The following LRRTM4 variants were observed in gnomAD, a reference collection of about 807,000 sequenced individuals.
LRRTM4 encodes the protein leucine-rich repeat transmembrane neuronal protein 4.
A neutral mutation model predicts 47.6 loss-of-function variants in LRRTM4; 25 were observed. That is an observed-to-expected ratio of 0.53 (90% CI 0.38 to 0.73). The LOEUF is 0.73. Among genes scored for constraint, LRRTM4 ranks in the 30% least tolerant of loss-of-function variants. LRRTM4 has a pLI of 0.00. For synonymous variants in LRRTM4, 311 were observed against 269.5 expected (o/e 1.15, Z -1.51); for missense variants, 638 against 713.4 (o/e 0.89, Z 1.20).
intron 3 of LRRTM4, among the ~76,000 whole-genome samples, chr2:76,827,599 T>A (rs1671224126): frequency 6.6e-6 from 1 of 151,908 alleles, no homozygotes; most frequent in African/African-American, 2.4e-5. Flanking sequence ...ATTCTGAGAA[T>A]GTGCAATTCA....
intron 3 of LRRTM4, among the ~76,000 whole-genome samples, chr2:76,906,234 T>C (rs1389531355): frequency 6.6e-6 from 1 of 152,024 alleles, no homozygotes; most frequent in Non-Finnish European, 1.5e-5. Flanking sequence ...GAATTTCATA[T>C]CCAGCCAAAC....
intron 3 of LRRTM4, among the ~76,000 whole-genome samples, chr2:77,123,436 T>G (rs1276458580): frequency 6.6e-6 from 1 of 152,052 alleles, no homozygotes; most frequent in Non-Finnish European, 1.5e-5. Flanking sequence ...TAAATGACAA[T>G]GTTGCTATAT....
At chr2:77,219,179 G>C (rs995253858) in intron 3 of LRRTM4, among the ~76,000 whole-genome samples, 3 of 152,098 alleles carry the variant, frequency 2.0e-5, no homozygotes, top group African/African-American at 7.2e-5. Context: ...ATTTGAGTAG[G>C]GGGAGAGCTT....
intron 3 of LRRTM4, among the ~76,000 whole-genome samples, chr2:77,145,877 T>G (rs1672246549): frequency 6.6e-6 from 1 of 152,108 alleles, no homozygotes; most frequent in African/African-American, 2.4e-5. Context: ...TTTTTAAAAA[T>G]ATATTCTGAG....
chr2:76,957,830 CAT>C (rs1214670003), intron 3 of LRRTM4, among the ~76,000 whole-genome samples: 2 of 151,662 alleles, frequency 1.3e-5, no homozygotes, highest in Non-Finnish European at 2.9e-5. Flanking sequence ...CTTCTCAAAA[CAT>C]ATGTGCTTAT....
intron 3 of LRRTM4, among the ~76,000 whole-genome samples, chr2:76,900,412 T>TTA (rs75533363): frequency 0.37 from 55,416 of 151,772 alleles, 10,982 homozygotes; most frequent in East Asian, 0.71. Context: ...CTTATCTCTA[T>TTA]TCTTGTTTAT....
At chr2:76,901,086 C>T (rs919963270) in intron 3 of LRRTM4, among the ~76,000 whole-genome samples, 1 of 151,870 alleles carries the variant, frequency 6.6e-6, no homozygotes, top group Non-Finnish European at 1.5e-5. Context: ...GTGCAGGATG[C>T]GCAGGTTTGT....
At chr2:77,044,270 T>C (rs1182538625) in intron 3 of LRRTM4, among the ~76,000 whole-genome samples, 1 of 151,676 alleles carries the variant, frequency 6.6e-6, no homozygotes, top group Non-Finnish European at 1.5e-5. Context: ...TAATATTATT[T>C]TAATAAAATT....
At chr2:76,804,502 C>G (rs1053438471) in intron 3 of LRRTM4, among the ~76,000 whole-genome samples, 26 of 151,822 alleles carry the variant, frequency 1.7e-4, no homozygotes, top group African/African-American at 6.3e-4. Context: ...ATATTCTGTC[C>G]TGATTTTTGG....
chr2:77,202,969 G>T (rs1009589865), intron 3 of LRRTM4, among the ~76,000 whole-genome samples: 4 of 151,964 alleles, frequency 2.6e-5, no homozygotes, highest in South Asian at 2.1e-4. Context: ...AGGCCCTCAG[G>T]TGACCGTATT....
chr2:77,268,693 A>G (rs6743981), intron 3 of LRRTM4, among the ~76,000 whole-genome samples: 20,112 of 152,058 alleles, frequency 0.13, 1,926 homozygotes, highest in East Asian at 0.35. Context: ...TTTTAACTCT[A>G]TGAAAACAAA....
intron 3 of LRRTM4, among the ~76,000 whole-genome samples, chr2:77,078,393 C>CCG (rs1189141035): frequency 1.4e-3 from 207 of 147,174 alleles, no homozygotes; most frequent in Non-Finnish European, 2.4e-3. Flanking sequence ...CACACACACA[C>CCG]ACACACACAC....
chr2:77,108,589 T>TC lies in LRRTM4; in HGVS notation c.1552-359674_1552-359673insG, dbSNP rs1458911884. ...AGAACACAAACATTCTTTTTTTTTT[T>TC]TTCTTTTTTTTTGAGACGGAGTCTC... is the stretch of plus-strand genomic sequence containing the variant. On this transcript the variant is annotated intron_variant, in intron 3 of 3. Coordinates refer to ENST00000409884, the MANE Select transcript of LRRTM4 (RefSeq NM_001134745.3). 4.0e-5 allele frequency among the ~76,000 whole-genome samples: 6 copies of TC among 148,834 alleles called. No homozygotes were observed. The South Asian group carries it at 1.3e-3, about 31-fold the overall frequency.
At chr2:77,010,356 C>T (rs1013351380) in intron 3 of LRRTM4, among the ~76,000 whole-genome samples, 1 of 151,640 alleles carries the variant, frequency 6.6e-6, no homozygotes, top group South Asian at 2.1e-4. Flanking sequence ...ATTTTTTTTA[C>T]ATTCCATATG....
intron 3 of LRRTM4, among the ~76,000 whole-genome samples, chr2:76,876,852 A>G (rs924075271): frequency 6.6e-6 from 1 of 152,082 alleles, no homozygotes; most frequent in Non-Finnish European, 1.5e-5. Context: ...GTACCTTGGT[A>G]AACATTAATA....
intron 3 of LRRTM4, among the ~76,000 whole-genome samples, chr2:76,918,028 C>A (rs578163959): frequency 5.3e-4 from 81 of 152,100 alleles, no homozygotes; most frequent in Non-Finnish European, 8.7e-4. Context: ...CCTACTGGGG[C>A]AGGGAAAAGG....
intron 3 of LRRTM4, among the ~76,000 whole-genome samples, chr2:77,419,457 C>G (rs1245552602): frequency 6.6e-6 from 1 of 152,124 alleles, no homozygotes; most frequent in Non-Finnish European, 1.5e-5. Flanking sequence ...TTCCCAAATA[C>G]TTTTAATCAT....
chr2:76,777,669 T>G (rs1313189762), intron 3 of LRRTM4, among the ~76,000 whole-genome samples: 1 of 151,014 alleles, frequency 6.6e-6, no homozygotes, highest in African/African-American at 2.4e-5. Context: ...GCTGAGACAA[T>G]GGGGTTTTCT....
At chr2:76,980,628 G>GA (rs369405767) in intron 3 of LRRTM4, among the ~76,000 whole-genome samples, 2 of 152,130 alleles carry the variant, frequency 1.3e-5, no homozygotes, top group African/African-American at 4.8e-5. Flanking sequence ...GCAAGCAAGT[G>GA]AAAAGCAGGA....
Sources: gnomAD v4.1 joint callset for allele counts (sites outside exome capture counted in the v4.1 genomes callset) on GRCh38, gnomAD v4.1.1 for gene constraint, MANE v1.5 for transcripts, NCBI Gene and HGNC (gene_info 2026-07-23, HGNC 2026-07-21) for gene names.